Variants in EFCAB8 observed in about 807,000 individuals in gnomAD.
The protein encoded by EFCAB8 is EF-hand calcium binding domain 8, also known as EF-hand calcium-binding domain-containing protein 8.
EFCAB8 carries 100 observed loss-of-function variants against 116.3 expected under a neutral mutation model. That is an observed-to-expected ratio of 0.86 (90% CI 0.73 to 1.02). EFCAB8 has a LOEUF of 1.02. Among genes scored for constraint, EFCAB8 ranks in the 50% least tolerant of loss-of-function variants. The probability of loss-of-function intolerance (pLI) is 0.00; values close to 1 mark genes in which losing one functional copy is unlikely to be tolerated. For missense variants in EFCAB8, 1,320 were observed against 1,416.9 expected (o/e 0.93, Z 1.10); for synonymous variants, 558 against 567.9 (o/e 0.98, Z 0.25).
chr20:32,920,220 G>A lies in EFCAB8; in HGVS notation c.2412+5G>A, dbSNP rs1738357035. The A allele has an allele frequency of 6.4e-7, 1 of 1,551,564 alleles. No individual in the cohort carries two copies. On this transcript the variant is annotated splice_donor_5th_base_variant and intron_variant, in intron 20 of 26. Coordinates refer to ENST00000400522, the MANE Select transcript of EFCAB8 (RefSeq NM_001143967.2). ...TCCAGTGCCTCGGTGGAGAAGGTTG[G>A]CCGTGATCAGCCAGGGAGAGGGATA...
intron 11 of EFCAB8, among the ~76,000 whole-genome samples, chr20:32,901,229 T>G (rs971491892): frequency 6.6e-5 from 10 of 152,324 alleles, no homozygotes; most frequent in African/African-American, 2.4e-4. Context: ...TATATTGGGG[T>G]GTCCAATCTT....
At chr20:32,906,013 A>G (rs992846996) in intron 11 of EFCAB8, among the ~76,000 whole-genome samples, 1 of 152,052 alleles carries the variant, frequency 6.6e-6, no homozygotes, top group Non-Finnish European at 1.5e-5. Flanking sequence ...TGGTGTCTCT[A>G]TCCCTAGCGC....
chr20:32,878,275 A>G (rs1160137086), intron 4 of EFCAB8, among the ~76,000 whole-genome samples: 1 of 151,754 alleles, frequency 6.6e-6, no homozygotes, highest in Admixed American at 6.6e-5. Context: ...CAAAAGGAAA[A>G]AAAAAAGGCC....
At chr20:32,945,694 G>C (rs1010141672) in intron 23 of EFCAB8, among the ~76,000 whole-genome samples, 2 of 151,988 alleles carry the variant, frequency 1.3e-5, no homozygotes, top group African/African-American at 2.4e-5. Context: ...CCATGCATTT[G>C]TAAAATCAGC....
intron 22 of EFCAB8, among the ~76,000 whole-genome samples, chr20:32,934,269 A>G (rs1217752205): frequency 1.4e-5 from 2 of 145,750 alleles, no homozygotes; most frequent in Non-Finnish European, 1.5e-5. Flanking sequence ...ATGTTGTCCC[A>G]AATGACAGGA....
intron 18 of EFCAB8, among the ~76,000 whole-genome samples, chr20:32,918,028 G>T (rs1987269001): frequency 1.3e-5 from 2 of 152,224 alleles, no homozygotes; most frequent in South Asian, 4.1e-4. Flanking sequence ...GTTTCCCCCA[G>T]AATAGCTCAG....
rs368562159 is a variant in EFCAB8, at chr20:32,889,354, A to G, written c.621A>G (p.Val207=). ...AGCCGATGTGGGTCATTGACATGGT[A>G]TGTCTGCACAATATGAACCTCGTTG... The part of the protein sequence containing the change: ...YNQPMWVIDM[V]CLHNMNLVAV... The change falls in exon 7 of 27, where the codon GTA becomes GTG. Residue 207 remains valine (V), a synonymous_variant. Coordinates refer to ENST00000400522, the MANE Select transcript of EFCAB8 (RefSeq NM_001143967.2). 557 of 1,551,824 alleles carry G rather than the reference A, an allele frequency of 3.6e-4. No individual in the cohort carries two copies. Among genetic ancestry groups the G allele is most frequent in the Non-Finnish European group, 4.4e-4 (499 of 1,147,022 alleles).
chr20:32,952,715 A>G (rs6579050), intron 23 of EFCAB8, among the ~76,000 whole-genome samples: 51,145 of 152,076 alleles, frequency 0.34, 9,473 homozygotes, highest in African/African-American at 0.46. Flanking sequence ...TCAGTGTATC[A>G]CTTGCCCGTT....
At chr20:32,881,753 C>A (rs894126150) in intron 5 of EFCAB8, among the ~76,000 whole-genome samples, 7 of 152,300 alleles carry the variant, frequency 4.6e-5, no homozygotes, top group African/African-American at 1.7e-4. Flanking sequence ...AATAGGGTTA[C>A]ACGAGTTCCA....
chr20:32,959,786 G>A lies in EFCAB8; in HGVS notation c.3098G>A (p.Arg1033Gln), dbSNP rs1989081138. 9 of 1,493,440 alleles carry A rather than the reference G, an allele frequency of 6.0e-6. No individual in the cohort carries two copies. Among genetic ancestry groups the A allele is most frequent in the Middle Eastern group, 1.9e-4 (1 of 5,138 alleles). The allele number at this position is 1,493,440 out of a possible 1,614,324, so 92.5% of individuals were successfully genotyped here. A position where few individuals can be genotyped will look rare whatever the true frequency, so the allele number is the denominator to read the frequency against. The change falls in exon 25 of 27, where the codon CGG becomes CAG. Residue 1033 changes from arginine to glutamine, a missense_variant. Transcript: ENST00000400522. Reference protein sequence around the residue: ...KVLHLELQEQRDLAEALIYQR... With the variant: ...KVLHLELQEQQDLAEALIYQR... ...GAAAGCCCCCACACTAGGGAGCAGC[G>A]GGATCTGGCTGAGGCCCTGATATAC...
At chr20:32,905,714 C>A (rs1394935307) in intron 11 of EFCAB8, among the ~76,000 whole-genome samples, 1 of 146,342 alleles carries the variant, frequency 6.8e-6, no homozygotes, top group Non-Finnish European at 1.5e-5. Context: ...GAGCCAAGAT[C>A]GCACCACTGC....
At chr20:32,930,342 C>A in intron 20 of EFCAB8, 56 bp from the exon 21 acceptor site, 1 of 1,467,000 alleles carries the variant, frequency 6.8e-7, no homozygotes, top group Non-Finnish European at 9.2e-7. Context: ...GGTCCCTCAG[C>A]ACCATGTGAC....
chr20:32,931,738 A>G (rs1033739449), intron 22 of EFCAB8, among the ~76,000 whole-genome samples: 1 of 152,250 alleles, frequency 6.6e-6, no homozygotes, highest in Non-Finnish European at 1.5e-5. Flanking sequence ...AGCCTGGGCG[A>G]CAGAGCAAGA....
chr20:32,889,286 T>A lies in EFCAB8; in HGVS notation c.568-15T>A. On this transcript the variant is annotated splice_polypyrimidine_tract_variant and intron_variant, in intron 6 of 26. Transcript: ENST00000400522. ...ATGCGTCCCAGCCCATCTCCTCTGC[T>A]CTTCCTCTGGCCAGCTTAACCAGAC... 2 of 1,551,218 alleles carry A rather than the reference T, an allele frequency of 1.3e-6. No individual in the cohort carries two copies. The highest frequency in any genetic ancestry group is 1.7e-6 in the Non-Finnish European group (2 of 1,146,740).
chr20:32,935,188 C>CTTTT lies in EFCAB8; in HGVS notation c.2790+3855_2790+3856insTTTT, dbSNP rs754022404. On this transcript the variant is annotated intron_variant, in intron 22 of 26. Transcript: ENST00000400522. ...TCTCTTCTCTTTTCTTTCTTTCTTT[C>CTTTT]TTTCTTTTTTTTTTTTTTTTTTTTT... is the stretch of plus-strand genomic sequence containing the variant. 8.9e-3 allele frequency among the ~76,000 whole-genome samples: 592 copies of CTTTT among 66,530 alleles called. 12 individuals carry two copies. Among genetic ancestry groups the CTTTT allele is most frequent in the Middle Eastern group, 0.038 (3 of 78 alleles). 43.6% of individuals were successfully genotyped at this position (66,530 alleles called of 152,430 possible).
intron 3 of EFCAB8, among the ~76,000 whole-genome samples, chr20:32,869,427 G>A (rs909690129): frequency 2.6e-5 from 4 of 152,122 alleles, no homozygotes; most frequent in African/African-American, 9.7e-5. Context: ...GTAGAGACGG[G>A]GTTTCTCCAT....
At chr20:32,905,223 A>G (rs1986620559) in intron 11 of EFCAB8, among the ~76,000 whole-genome samples, 1 of 152,184 alleles carries the variant, frequency 6.6e-6, no homozygotes, top group Non-Finnish European at 1.5e-5. Flanking sequence ...TTCTTCACCC[A>G]TTGTAAGGTT....
Position 32,959,770 on chromosome 20 carries a change from C to T in EFCAB8, c.3090-8C>T. ...GGGACATCTTGTGAAGGAAAGCCCC[C>T]ACACTAGGGAGCAGCGGGATCTGGC... is the stretch of plus-strand genomic sequence containing the variant. On this transcript the variant is annotated splice_polypyrimidine_tract_variant and splice_region_variant and intron_variant, in intron 24 of 26. Coordinates refer to ENST00000400522, the MANE Select transcript of EFCAB8 (RefSeq NM_001143967.2). 1 of 1,469,932 alleles carries T rather than the reference C, an allele frequency of 6.8e-7. No individual in the cohort carries two copies. The highest frequency in any genetic ancestry group is 9.0e-7 in the Non-Finnish European group (1 of 1,107,086). 91.1% of individuals were successfully genotyped at this position (1,469,932 alleles called of 1,614,324 possible).
intron 23 of EFCAB8, among the ~76,000 whole-genome samples, chr20:32,956,636 C>A (rs1988972029): frequency 6.6e-6 from 1 of 152,062 alleles, no homozygotes; most frequent in Non-Finnish European, 1.5e-5. Context: ...TTGATATTTT[C>A]TGTTGAAAAG....
Sources: gnomAD v4.1 joint callset for allele counts (sites outside exome capture counted in the v4.1 genomes callset) on GRCh38, gnomAD v4.1.1 for gene constraint, MANE v1.5 for transcripts, NCBI Gene and HGNC (gene_info 2026-07-23, HGNC 2026-07-21) for gene names.